Variants in EIPR1 observed in about 807,000 individuals in gnomAD.
EIPR1 encodes the protein EARP and GARP complex-interacting protein 1.
EIPR1 carries 25 observed loss-of-function variants against 48.1 expected under a neutral mutation model. The ratio of observed to expected loss-of-function variants is 0.52; its 90% CI spans 0.38 to 0.73. The LOEUF is 0.73. EIPR1 is among the 30% of genes least tolerant of loss of function. The probability of loss-of-function intolerance (pLI) is 0.00; values close to 1 mark genes in which losing one functional copy is unlikely to be tolerated. For synonymous variants in EIPR1, 204 were observed against 201.9 expected, an observed-to-expected ratio of 1.01 and a Z score of -0.09; for missense variants, 415 against 506.2, an observed-to-expected ratio of 0.82 and a Z score of 1.73.
At chr2:3,262,809 A>G (rs1049946004) in intron 3 of EIPR1, among the ~76,000 whole-genome samples, 3 of 152,212 alleles carry the variant, frequency 2.0e-5, no homozygotes, top group Non-Finnish European at 4.4e-5. Context: ...GCCATGGGGC[A>G]CCAAGTGCCA....
rs559888696 is a variant in EIPR1, at chr2:3,365,261, A to AC, written c.43-10629dup. 8.3e-3 allele frequency among the ~76,000 whole-genome samples: 1,256 copies of AC among 151,620 alleles called. 21 individuals carry two copies. Among genetic ancestry groups the AC allele is most frequent in the South Asian group, 0.048 (229 of 4,782 alleles). ...AAGACCAGCCTGACAATATGATGAG[A>AC]CCCCCCATCTCATTGATTGATTAAG... On this transcript the variant is annotated intron_variant, in intron 1 of 8. Transcript: ENST00000382125.
In EIPR1 at chr2:3,197,389, C is replaced by T. The variant is rs187598122; in HGVS notation, c.517-372G>A. ...CAAGTCAGGTCCACCTGAGCGGTTC[C>T]GGAATAACAAAGGGACAAACACATT... On this transcript the variant is annotated intron_variant, in intron 5 of 8. Coordinates refer to ENST00000382125, the MANE Select transcript of EIPR1 (RefSeq NM_003310.5). 3.5e-4 allele frequency among the ~76,000 whole-genome samples: 53 copies of T among 152,330 alleles called. 1 individual carries two copies. The highest frequency in any genetic ancestry group is 9.4e-4 in the African/African-American group (39 of 41,574).
intron 6 of EIPR1, chr2:3,194,436 G>A (rs113388741): frequency 1.1e-4 from 30 of 283,754 alleles, no homozygotes; most frequent in African/African-American, 2.7e-4. Context: ...CTTTGTAGCC[G>A]TCAAAAATGT....
chr2:3,297,655 G>A lies in EIPR1; in HGVS notation c.260-40200C>T, dbSNP rs554371515. Among the ~76,000 whole-genome samples, 43 of 152,318 alleles carry A rather than the reference G, an allele frequency of 2.8e-4. No individual in the cohort carries two copies. The Middle Eastern group carries it at 0.01, about 36-fold the overall frequency. On this transcript the variant is annotated intron_variant, in intron 3 of 8. Transcript: ENST00000382125. ...CTTTGCAGGCCACACAGTCTTTATC[G>A]CAGTTACTCTGTAGAGCAAAATCAG...
intron 3 of EIPR1, among the ~76,000 whole-genome samples, chr2:3,303,250 G>A (rs941126692): frequency 1.4e-4 from 22 of 152,322 alleles, no homozygotes; most frequent in African/African-American, 5.1e-4. Flanking sequence ...GGGGAGGGGT[G>A]CCAGGCAGCT....
intron 4 of EIPR1, among the ~76,000 whole-genome samples, chr2:3,254,800 G>A (rs1010725834): frequency 2.0e-5 from 3 of 152,274 alleles, no homozygotes; most frequent in Non-Finnish European, 2.9e-5. Flanking sequence ...GTGGCTACAC[G>A]AACCCACACA....
At chr2:3,222,952 T>C (rs574204653) in intron 4 of EIPR1, among the ~76,000 whole-genome samples, 1 of 152,276 alleles carries the variant, frequency 6.6e-6, no homozygotes, top group African/African-American at 2.4e-5. Context: ...TTTGTGTGTC[T>C]TTCTTGTTAA....
chr2:3,362,104 G>A (rs891180645), intron 1 of EIPR1, among the ~76,000 whole-genome samples: 2 of 152,194 alleles, frequency 1.3e-5, no homozygotes, highest in Admixed American at 6.5e-5. Context: ...CCCTGGGCAC[G>A]TCCACTCAAC....
chr2:3,233,542 T>G (rs1482022138), intron 4 of EIPR1, among the ~76,000 whole-genome samples: 1 of 152,212 alleles, frequency 6.6e-6, no homozygotes, highest in Admixed American at 6.5e-5. Flanking sequence ...CAGCCGTAAC[T>G]GTGATAATGA....
rs1461806258 is a variant in EIPR1, at chr2:3,377,799, G to T, written c.-110C>A. The T allele has an allele frequency of 2.4e-6, 3 of 1,225,880 alleles. No homozygotes were observed. The highest frequency in any genetic ancestry group is 3.0e-5 in the African/African-American group (2 of 66,512). 75.9% of individuals were successfully genotyped at this position (1,225,880 alleles called of 1,614,324 possible). On this transcript the variant is annotated 5_prime_UTR_variant, in exon 1 of 9. Coordinates refer to ENST00000382125, the MANE Select transcript of EIPR1 (RefSeq NM_003310.5). ...CCCAGCGCCCATTCATTCCCTCCCC[G>T]CAGCAAACGACTCCAAACTGGAAGT...
In EIPR1 at chr2:3,290,885, A is replaced by G. The variant is rs150592771; in HGVS notation, c.260-33430T>C. Among the ~76,000 whole-genome samples, 961 of 152,340 alleles carry G rather than the reference A, an allele frequency of 6.3e-3. 6 individuals are homozygous for G. The highest frequency in any genetic ancestry group is 0.022 in the African/African-American group (899 of 41,582). On this transcript the variant is annotated intron_variant, in intron 3 of 8. Transcript: ENST00000382125. Reference sequence around the variant, plus strand: ...GCTTCCATCACGGCCCGAGCAATGCAAGAGGAACACAGAGAATCTATTTTA... The same window carrying G: ...GCTTCCATCACGGCCCGAGCAATGCGAGAGGAACACAGAGAATCTATTTTA...
At chr2:3,325,737 G>A (rs1669674894) in intron 3 of EIPR1, among the ~76,000 whole-genome samples, 1 of 152,188 alleles carries the variant, frequency 6.6e-6, no homozygotes, top group Admixed American at 6.5e-5. Flanking sequence ...AGAGATTACC[G>A]CACAGTTTGC....
At chr2:3,273,320 G>A (rs555428304) in intron 3 of EIPR1, among the ~76,000 whole-genome samples, 14 of 152,234 alleles carry the variant, frequency 9.2e-5, no homozygotes, top group African/African-American at 3.1e-4. Context: ...GATAAACCAC[G>A]GTTAGCTACC....
intron 3 of EIPR1, among the ~76,000 whole-genome samples, chr2:3,294,983 C>A (rs1668501671): frequency 1.6e-5 from 1 of 60,834 alleles, no homozygotes. Context: ...CCCATCCTCT[C>A]TACACACACA....
chr2:3,219,015 G>A (rs950494238), intron 4 of EIPR1, among the ~76,000 whole-genome samples: 1 of 150,676 alleles, frequency 6.6e-6, no homozygotes, highest in African/African-American at 2.5e-5. Flanking sequence ...CACTCAACAC[G>A]ACCCTGGTAT....
At chr2:3,192,672 TG>T in intron 7 of EIPR1, 91 bp from the exon 8 acceptor site, 1 of 1,384,018 alleles carries the variant, frequency 7.2e-7, no homozygotes, top group East Asian at 2.4e-5. Flanking sequence ...CCCACTAGGC[TG>T]GGGCTCACGT....
chr2:3,257,292 A>G lies in EIPR1; in HGVS notation c.416+7T>C, dbSNP rs1178710529. ...GTTCTGGGCGCATGAAATATGCAAAATCCTACCAGGCCATGTTGCCATGGG... is the reference window on the plus strand; with the variant it reads ...GTTCTGGGCGCATGAAATATGCAAAGTCCTACCAGGCCATGTTGCCATGGG... On this transcript the variant is annotated splice_region_variant and intron_variant, in intron 4 of 8. Transcript: ENST00000382125. 1 of 1,611,558 alleles carries G rather than the reference A, an allele frequency of 6.2e-7. No homozygotes were observed. Among genetic ancestry groups the G allele is most frequent in the South Asian group, 1.1e-5 (1 of 90,912 alleles).
intron 1 of EIPR1, among the ~76,000 whole-genome samples, chr2:3,369,985 C>T (rs1006691251): frequency 6.6e-6 from 1 of 152,156 alleles, no homozygotes; most frequent in Non-Finnish European, 1.5e-5. Flanking sequence ...GGGAGGCACC[C>T]CCCCCGTAGG....
In EIPR1 at chr2:3,286,639, G is replaced by C. The variant is rs1432437084; in HGVS notation, c.260-29184C>G. ...GGGGAGCAGGGGATCTCACAGTCCA[G>C]AGTGCCCCGCAGAGCACCCGAGACA... On this transcript the variant is annotated intron_variant, in intron 3 of 8. Transcript: ENST00000382125. The surrounding 1 kb of genome is among the most constrained non-coding windows in gnomAD (Gnocchi z 4.2). Among the ~76,000 whole-genome samples the C allele has an allele frequency of 1.3e-5, 2 of 152,368 alleles. No homozygotes were observed. Among genetic ancestry groups the C allele is most frequent in the South Asian group, 2.1e-4 (1 of 4,832 alleles).
Sources: gnomAD v4.1 joint callset for allele counts (sites outside exome capture counted in the v4.1 genomes callset) on GRCh38, gnomAD v4.1.1 for gene constraint, Gnocchi (gnomAD v3.1) non-coding constraint, MANE v1.5 for transcripts, NCBI Gene and HGNC (gene_info 2026-07-23, HGNC 2026-07-21) for gene names.